The following PDE8A variants were observed in gnomAD, a reference collection of about 807,000 sequenced individuals.
PDE8A encodes the protein high affinity cAMP-specific and IBMX-insensitive 3',5'-cyclic phosphodiesterase 8A.
A neutral mutation model predicts 105.0 loss-of-function variants in PDE8A; 59 were observed. The observed-to-expected ratio is 0.56, with a 90% CI of 0.46 to 0.70. PDE8A has a LOEUF of 0.70. Ranked by LOEUF, PDE8A falls within the 30% of genes least tolerant of loss-of-function variation. PDE8A has a pLI of 0.00. For synonymous variants in PDE8A, 355 were observed against 371.9 expected (o/e 0.95, Z 0.52); for missense variants, 1,014 against 1,045.9 (o/e 0.97, Z 0.42).
intron 1 of PDE8A, among the ~76,000 whole-genome samples, chr15:85,047,591 G>A (rs891818555): frequency 1.3e-5 from 2 of 152,154 alleles, no homozygotes; most frequent in Admixed American, 1.3e-4. Context: ...AAATTTTTAC[G>A]TGGCAAAATT....
At chr15:85,073,616 T>G (rs1049498996) in intron 3 of PDE8A, among the ~76,000 whole-genome samples, 2 of 152,266 alleles carry the variant, frequency 1.3e-5, no homozygotes, top group African/African-American at 2.4e-5. Flanking sequence ...TTGAAATGGC[T>G]ACATACTTAA....
intron 1 of PDE8A, among the ~76,000 whole-genome samples, chr15:84,984,459 C>T (rs2079769473): frequency 6.6e-6 from 1 of 151,784 alleles, no homozygotes; most frequent in Admixed American, 6.6e-5. Flanking sequence ...AAATTAGTTT[C>T]TTTGTATTAT....
chr15:84,982,184 C>G lies in PDE8A; in HGVS notation c.22C>G (p.His8Asp). 6.7e-7 allele frequency: 1 copy of G among 1,483,560 alleles called. No individual in the cohort carries two copies. Among genetic ancestry groups the G allele is most frequent in the Non-Finnish European group, 8.9e-7 (1 of 1,126,708 alleles). 91.9% of individuals were successfully genotyped at this position (1,483,560 alleles called of 1,614,324 possible). MGCAPSI[H>D]ISERLVAEDA... ...CAGCATGGGCTGTGCCCCGAGCATC[C>G]ACATTTCCGAGCGCCTGGTGGCCGA... The change falls in exon 1 of 22, where the codon CAC becomes GAC. Residue 8 changes from histidine (H) to aspartate (D), a missense_variant. Transcript: ENST00000394553.
intron 5 of PDE8A, among the ~76,000 whole-genome samples, chr15:85,079,428 A>G (rs1435429043): frequency 2.0e-5 from 3 of 152,244 alleles, no homozygotes; most frequent in Non-Finnish European, 4.4e-5. Flanking sequence ...TTCAAATAAT[A>G]GTAAAGAAAT....
intron 11 of PDE8A, among the ~76,000 whole-genome samples, chr15:85,100,874 C>G (rs1258406985): frequency 4.6e-5 from 7 of 152,218 alleles, no homozygotes; most frequent in Non-Finnish European, 8.8e-5. Flanking sequence ...GTGTGCTCTG[C>G]TTGCCCATGT....
chr15:85,040,044 A>G (rs1425901970), intron 1 of PDE8A, among the ~76,000 whole-genome samples: 1 of 151,962 alleles, frequency 6.6e-6, no homozygotes, highest in Non-Finnish European at 1.5e-5. Context: ...AGGAGATTGC[A>G]GTTAATAATA....
At chr15:85,085,750 G>A (rs1776867412) in intron 6 of PDE8A, among the ~76,000 whole-genome samples, 1 of 151,310 alleles carries the variant, frequency 6.6e-6, no homozygotes, top group Non-Finnish European at 1.5e-5. Context: ...GCTCACGCCT[G>A]TAATCTCTGC....
chr15:85,038,608 C>CA (rs1364672268), intron 1 of PDE8A, among the ~76,000 whole-genome samples: 1 of 151,956 alleles, frequency 6.6e-6, no homozygotes, highest in Admixed American at 6.6e-5. Context: ...GATAAGGGGC[C>CA]AATATCCAAA....
chr15:85,017,316 A>G (rs1450703280), intron 1 of PDE8A, among the ~76,000 whole-genome samples: 2 of 152,098 alleles, frequency 1.3e-5, no homozygotes, highest in Non-Finnish European at 2.9e-5. Flanking sequence ...TGTTTCTTAT[A>G]TAGCCTGCTA....
In PDE8A at chr15:85,067,129, T is replaced by G; in HGVS notation, c.359T>G (p.Phe120Cys). 6.2e-7 allele frequency: 1 copy of G among 1,613,984 alleles called. No individual in the cohort carries two copies. Among genetic ancestry groups the G allele is most frequent in the Non-Finnish European group, 8.5e-7 (1 of 1,179,902 alleles). The stretch of plus-strand genomic sequence containing the variant: ...GAGGCTCAGGCTGTCCTTGCCTGTT[T>G]CCTGGACAAACATCATGACATTATC... ...TKEAQAVLAC[F>C]LDKHHDIIII... Residue 120 changes from phenylalanine to cysteine, a missense_variant, in exon 3 of 22, where the codon TTC becomes TGC. Transcript: ENST00000394553.
At chr15:84,985,267 A>C (rs1443084960) in intron 1 of PDE8A, among the ~76,000 whole-genome samples, 1 of 152,214 alleles carries the variant, frequency 6.6e-6, no homozygotes, top group Non-Finnish European at 1.5e-5. Context: ...GGTACTTTAG[A>C]TCTTGCAATA....
At chr15:85,062,901 T>C (rs1371758823) in intron 1 of PDE8A, 1 of 152,238 alleles carries the variant, frequency 6.6e-6, no homozygotes, top group Non-Finnish European at 1.5e-5. Flanking sequence ...CTTTTAAGAC[T>C]CTCCTGTGGA....
chr15:85,003,187 A>G (rs2080093056), intron 1 of PDE8A, among the ~76,000 whole-genome samples: 1 of 152,206 alleles, frequency 6.6e-6, no homozygotes. Flanking sequence ...GGACATGGGT[A>G]TGCTGGCCTC....
upstream of PDE8A, chr15:84,980,640 G>A (rs2079691456): frequency 6.6e-6 from 1 of 152,362 alleles, no homozygotes; most frequent in South Asian, 2.1e-4. Flanking sequence ...GACGCCCAGA[G>A]ACACCGCCCT....
rs117499055 is a variant in PDE8A, at chr15:85,016,701, T to C, written c.186+34353T>C. Among the ~76,000 whole-genome samples, 24 of 152,292 alleles carry C rather than the reference T, an allele frequency of 1.6e-4. 1 individual carries two copies. In the East Asian group the frequency reaches 4.5e-3, roughly 28 times the overall value. Reference sequence around the variant, plus strand: ...CTGTGGGAAGAAAACTCAAAGGTTTTTTCTTTTTATTGAGGTTGTATTATA... The same window carrying C: ...CTGTGGGAAGAAAACTCAAAGGTTTCTTCTTTTTATTGAGGTTGTATTATA... On this transcript the variant is annotated intron_variant, in intron 1 of 21. Coordinates refer to ENST00000394553, the MANE Select transcript of PDE8A (RefSeq NM_002605.3).
At chr15:85,000,400 G>A (rs1392341978) in intron 1 of PDE8A, among the ~76,000 whole-genome samples, 1 of 152,200 alleles carries the variant, frequency 6.6e-6, no homozygotes, top group Non-Finnish European at 1.5e-5. Context: ...TGTTTGTCTT[G>A]CAAGGCCAAG....
Position 85,117,902 on chromosome 15 carries a change from T to A in PDE8A, c.1734+63T>A, listed in dbSNP as rs1345607080. On this transcript the variant is annotated intron_variant, in intron 17 of 21. Transcript: ENST00000394553. ...AGCAGTGGGGAGAGTCTAGTGCTTCTGCCTCCACTAAGATACATAGCATGA... is the reference window on the plus strand; with the variant it reads ...AGCAGTGGGGAGAGTCTAGTGCTTCAGCCTCCACTAAGATACATAGCATGA... 6 of 1,283,938 alleles carry A rather than the reference T, an allele frequency of 4.7e-6. No homozygotes were observed. The East Asian group carries it at 1.2e-4, about 25-fold the overall frequency. 79.5% of individuals were successfully genotyped at this position (1,283,938 alleles called of 1,614,324 possible). A position where few individuals can be genotyped will look rare whatever the true frequency, so the allele number is the denominator to read the frequency against.
In PDE8A at chr15:85,137,928, A is replaced by C; in HGVS notation, c.*25A>C. 1 of 1,419,044 alleles carries C rather than the reference A, an allele frequency of 7.0e-7. No homozygotes were observed. The allele number at this position is 1,419,044 out of a possible 1,614,324, so 87.9% of individuals were successfully genotyped here. A position where few individuals can be genotyped will look rare whatever the true frequency, so the allele number is the denominator to read the frequency against. On this transcript the variant is annotated 3_prime_UTR_variant, in exon 22 of 22. Transcript: ENST00000394553. ...GTGGGAGACACCACCCAGAGCCCTG[A>C]AGCTTTGTTCCTTCGGTCATTTGGA...
At chr15:85,135,321 CT>C (rs553386992) in intron 20 of PDE8A, among the ~76,000 whole-genome samples, 26 of 152,132 alleles carry the variant, frequency 1.7e-4, no homozygotes, top group Admixed American at 3.9e-4. Flanking sequence ...AGCTACCCTT[CT>C]CCCTTACCAC....
Sources: gnomAD v4.1 joint callset for allele counts (sites outside exome capture counted in the v4.1 genomes callset) on GRCh38, gnomAD v4.1.1 for gene constraint, MANE v1.5 for transcripts, NCBI Gene and HGNC (gene_info 2026-07-23, HGNC 2026-07-21) for gene names.